The following OSBPL1A variants were observed in gnomAD, a reference collection of about 807,000 sequenced individuals.
OSBPL1A encodes oxysterol binding protein like 1A, also known as oxysterol-binding protein-related protein 1.
A neutral mutation model predicts 137.1 loss-of-function variants in OSBPL1A; 80 were observed. The ratio of observed to expected loss-of-function variants is 0.58; its 90% CI spans 0.49 to 0.70. OSBPL1A has a LOEUF of 0.70. OSBPL1A is among the 30% of genes least tolerant of loss of function. The pLI, the probability that OSBPL1A is intolerant of heterozygous loss-of-function variation, is 0.00. For synonymous variants in OSBPL1A, 365 were observed against 389.7 expected (o/e 0.94, Z 0.75); for missense variants, 970 against 1,129.4 (o/e 0.86, Z 2.02).
chr18:24,247,091 T>C (rs2088919784), intron 15 of OSBPL1A, among the ~76,000 whole-genome samples: 8 of 151,948 alleles, frequency 5.3e-5, no homozygotes. Context: ...GATAGCAACA[T>C]TAAGGGAGAA....
At chr18:24,193,215 G>A (rs1266488117) in intron 18 of OSBPL1A, among the ~76,000 whole-genome samples, 4 of 152,098 alleles carry the variant, frequency 2.6e-5, no homozygotes, top group African/African-American at 7.2e-5. Flanking sequence ...GGCTGGGCGC[G>A]GTGGCTCATG....
At chr18:24,397,282 A>G (rs777895649) in intron 1 of OSBPL1A, among the ~76,000 whole-genome samples, 1 of 152,220 alleles carries the variant, frequency 6.6e-6, no homozygotes, top group African/African-American at 2.4e-5. Context: ...TCCTCTTGTT[A>G]GGAGGAAATT....
At chr18:24,321,733 G>A (rs780317956) in intron 7 of OSBPL1A, 2 of 503,078 alleles carry the variant, frequency 4.0e-6, no homozygotes, top group Non-Finnish European at 8.1e-6. Flanking sequence ...GGGTTGAGAG[G>A]GTAAGAAAAG....
chr18:24,268,142 G>A (rs559665885), intron 15 of OSBPL1A, among the ~76,000 whole-genome samples: 1 of 151,946 alleles, frequency 6.6e-6, no homozygotes, highest in Admixed American at 6.6e-5. Flanking sequence ...TTGAGACAGG[G>A]TCTCACTCTG....
intron 15 of OSBPL1A, among the ~76,000 whole-genome samples, chr18:24,268,160 G>C (rs1218624181): frequency 6.6e-6 from 1 of 152,044 alleles, no homozygotes; most frequent in East Asian, 1.9e-4. Context: ...CTGTCACCCA[G>C]GTTGGAATGC....
intron 4 of OSBPL1A, among the ~76,000 whole-genome samples, chr18:24,355,886 G>A (rs758321835): frequency 6.6e-6 from 1 of 151,204 alleles, no homozygotes; most frequent in Non-Finnish European, 1.5e-5. Context: ...TCAAGAGACT[G>A]AGGCAGGAGA....
chr18:24,167,529 C>A, intron 24 of OSBPL1A, 84 bp from the exon 25 acceptor site: 1 of 1,101,700 alleles, frequency 9.1e-7, no homozygotes, highest in Non-Finnish European at 1.4e-6. Context: ...TTTCAGTCAA[C>A]AACAGACTGT....
At chr18:24,309,407 C>A (rs2090571916) in intron 13 of OSBPL1A, among the ~76,000 whole-genome samples, 2 of 152,138 alleles carry the variant, frequency 1.3e-5, no homozygotes, top group Admixed American at 6.6e-5. Flanking sequence ...TGAACTCAAA[C>A]CCTTGGGCAC....
intron 22 of OSBPL1A, 22 bp downstream of exon 22, chr18:24,172,354 C>T (rs369560993): frequency 7.3e-5 from 114 of 1,555,106 alleles, no homozygotes; most frequent in Non-Finnish European, 8.6e-5. Flanking sequence ...AAGGAATGGA[C>T]GAAGTACCCA....
At chr18:24,215,820 T>A (rs886117030) in intron 17 of OSBPL1A, among the ~76,000 whole-genome samples, 16 of 152,184 alleles carry the variant, frequency 1.1e-4, no homozygotes, top group African/African-American at 3.6e-4. Flanking sequence ...CTGTGAAAGA[T>A]ATTTCCTAGG....
chr18:24,297,507 C>T (rs117568352), intron 14 of OSBPL1A, among the ~76,000 whole-genome samples: 2,089 of 152,022 alleles, frequency 0.014, 22 homozygotes, highest in Non-Finnish European at 0.021. Context: ...GTGCTCTTTC[C>T]GACTTTTTAA....
At position 24,318,788 on chromosome 18, in the gene OSBPL1A, G is replaced by A; in HGVS notation, c.647C>T (p.Ala216Val). 6.2e-7 allele frequency: 1 copy of A among 1,613,422 alleles called. No individual in the cohort carries two copies. ...NKNDQKPLDL[A>V]QGAEMKHILV... ...AATGTGTTTCATTTCAGCACCCTGG[G>A]CAAGGTCAAGAGGTTTCTGATCTGT... The change falls in exon 8 of 28, where the codon GCC becomes GTC. Residue 216 changes from alanine (A) to valine (V), a missense_variant. Ala to Val is a moderately conservative substitution (Grantham distance 64, BLOSUM62 0). This residue lies in a region of OSBPL1A where 647 missense variants were observed against 672.6 expected (regional missense o/e 0.96). Transcript: ENST00000319481.
chr18:24,172,284 T>C, intron 22 of OSBPL1A, 92 bp downstream of exon 22: 1 of 963,624 alleles, frequency 1.0e-6, no homozygotes, highest in Non-Finnish European at 1.6e-6. Context: ...CTAGAGCTTT[T>C]CTTTAAAAAC....
chr18:24,253,171 G>GC (rs1033495161), intron 15 of OSBPL1A, among the ~76,000 whole-genome samples: 1 of 141,556 alleles, frequency 7.1e-6, no homozygotes, highest in Non-Finnish European at 1.6e-5. Context: ...ACATGGCGGG[G>GC]GGGGGCGCTG....
intron 14 of OSBPL1A, among the ~76,000 whole-genome samples, chr18:24,285,660 T>A (rs1441680027): frequency 2.0e-5 from 3 of 152,286 alleles, no homozygotes; most frequent in East Asian, 3.9e-4. Context: ...GTATGTGGCT[T>A]TTTTTAATAA....
intron 2 of OSBPL1A, among the ~76,000 whole-genome samples, chr18:24,374,544 A>G (rs952005131): frequency 1.3e-5 from 2 of 152,144 alleles, no homozygotes; most frequent in African/African-American, 4.8e-5. Flanking sequence ...CCCCTGCCAG[A>G]TGCCACATCA....
intron 3 of OSBPL1A, 147 bp from the exon 4 acceptor site, chr18:24,367,113 A>C (rs1456020478): frequency 6.0e-6 from 4 of 670,444 alleles, no homozygotes; most frequent in Non-Finnish European, 9.0e-6. Context: ...AGTAACAATA[A>C]AAAGCCAGCA....
intron 20 of OSBPL1A, chr18:24,179,325 G>A (rs2086533535): frequency 6.0e-6 from 1 of 166,560 alleles, no homozygotes; most frequent in East Asian, 1.7e-4. Context: ...ATTTTTAGGA[G>A]ATATACCTGA....
chr18:24,341,406 C>A, intron 5 of OSBPL1A, 141 bp downstream of exon 5: 1 of 613,758 alleles, frequency 1.6e-6, no homozygotes, highest in Non-Finnish European at 2.9e-6. Flanking sequence ...TGTGTTTAAT[C>A]AATGACTCCA....
Sources: gnomAD v4.1 joint callset for allele counts (sites outside exome capture counted in the v4.1 genomes callset) on GRCh38, gnomAD v4.1.1 for gene constraint, gnomAD v4.1.1 regional missense constraint, MANE v1.5 for transcripts, NCBI Gene and HGNC (gene_info 2026-07-23, HGNC 2026-07-21) for gene names.